CDON: variants seen among roughly 807,000 people sequenced by gnomAD.
CDON encodes cell adhesion associated, oncogene regulated.
CDON carries 73 observed loss-of-function variants against 120.9 expected under a neutral mutation model. That is an observed-to-expected ratio of 0.60 (90% CI 0.50 to 0.73). The LOEUF (loss-of-function observed/expected upper bound fraction) is 0.73. Among genes scored for constraint, CDON ranks in the 30% least tolerant of loss-of-function variants. The pLI is 0.00. For missense variants in CDON, 1,470 were observed against 1,587.3 expected (o/e 0.93, Z 1.26); for synonymous variants, 566 against 573.5 (o/e 0.99, Z 0.19).
Position 125,960,885 on chromosome 11 carries a change from C to T in CDON, c.*57G>A, listed in dbSNP as rs1261556356. ...GTCCTTCACACAGTTCGCTCCCAGG[C>T]CTGTTGTGTGCAGTTACCGGCTTGA... On this transcript the variant is annotated 3_prime_UTR_variant, in exon 20 of 20. Transcript: ENST00000531738. The T allele has an allele frequency of 2.6e-5, 40 of 1,527,056 alleles. No homozygotes were observed. The Admixed American group carries it at 6.7e-4, about 25-fold the overall frequency. 94.6% of individuals were successfully genotyped at this position (1,527,056 alleles called of 1,614,324 possible).
Position 126,005,964 on chromosome 11 carries a change from C to A in CDON, c.1646G>T (p.Gly549Val). Residue 549 changes from glycine to valine, a missense_variant, in exon 9 of 20, where the codon GGG (glycine) becomes GTG (valine). By Grantham distance (109) the Gly-to-Val change is moderately radical (BLOSUM62 -3). Transcript: ENST00000531738. ...DRSKRDGSETGLLSSFPVKVH... is the reference protein window; with the variant it reads ...DRSKRDGSETVLLSSFPVKVH... The stretch of plus-strand genomic sequence containing the variant: ...CTTCACCGGAAATGAGCTCAGTAAC[C>A]CAGTTTCTGAACCATCTCTCTTACT... The A allele has an allele frequency of 6.2e-7, 1 of 1,613,900 alleles. No homozygotes were observed. The highest frequency in any genetic ancestry group is 1.3e-5 in the African/African-American group (1 of 74,994).
In CDON at chr11:126,019,574, G is replaced by A. The variant is rs11826465; in HGVS notation, c.496+45C>T. 149,216 of 1,604,274 alleles carry A rather than the reference G, an allele frequency of 0.093. 7,336 individuals carry two copies. Among genetic ancestry groups the A allele is most frequent in the Admixed American group, 0.14 (8,234 of 59,962 alleles). ...AGCTTAGAAGTAGCTTATTTAATGAGCATTTGTTCTGTGTGTGCCACCGGC... is the reference window on the plus strand; with the variant it reads ...AGCTTAGAAGTAGCTTATTTAATGAACATTTGTTCTGTGTGTGCCACCGGC... On this transcript the variant is annotated intron_variant, in intron 4 of 19. Transcript: ENST00000531738.
rs375179830 is a variant in CDON, at chr11:126,021,287, C to T, written c.310G>A (p.Gly104Ser). The T allele has an allele frequency of 8.1e-6, 13 of 1,613,948 alleles. No homozygotes were observed. Among genetic ancestry groups the T allele is most frequent in the African/African-American group, 2.7e-5 (2 of 74,910 alleles). The change falls in exon 3 of 20, where the codon GGT (glycine) becomes AGT (serine). Residue 104 changes from glycine (G) to serine (S), a missense_variant. By Grantham distance (56) the Gly-to-Ser change is moderately conservative. Coordinates refer to ENST00000531738, the MANE Select transcript of CDON (RefSeq NM_001378964.1). ...GTCGCAGGGCCACTCACAATGGCAC[C>T]GATGCTATTGTTGGCAAGGCACTGG... ...YYQCLANNSI[G>S]AIVSGPATVS...
At chr11:126,056,298 T>C (rs1270682322) in intron 1 of CDON, among the ~76,000 whole-genome samples, 1 of 152,214 alleles carries the variant, frequency 6.6e-6, no homozygotes, top group African/African-American at 2.4e-5. Context: ...AGATGAATCA[T>C]GTATCACTAT....
chr11:126,024,787 G>A (rs1464481861), intron 1 of CDON, among the ~76,000 whole-genome samples: 1 of 152,168 alleles, frequency 6.6e-6, no homozygotes, highest in Non-Finnish European at 1.5e-5. Context: ...CTGAGGAGAG[G>A]AGAAGAGATA....
At chr11:125,967,143 T>A (rs1015486857) in intron 18 of CDON, among the ~76,000 whole-genome samples, 28 of 152,064 alleles carry the variant, frequency 1.8e-4, no homozygotes, top group African/African-American at 6.5e-4. Flanking sequence ...ATTTTAAATA[T>A]TTTTAGAATA....
intron 1 of CDON, among the ~76,000 whole-genome samples, chr11:126,047,790 C>T (rs1356326505): frequency 2.6e-5 from 4 of 152,152 alleles, no homozygotes; most frequent in Non-Finnish European, 4.4e-5. Flanking sequence ...GTCTAAACTG[C>T]TATAATACAC....
intron 4 of CDON, 98 bp downstream of exon 4, chr11:126,019,521 G>T: frequency 7.7e-7 from 1 of 1,302,484 alleles, no homozygotes; most frequent in Non-Finnish European, 1.1e-6. Flanking sequence ...ATGCCTTCTT[G>T]TATCCACAGT....
At chr11:126,041,485 C>T (rs1948261546) in intron 1 of CDON, among the ~76,000 whole-genome samples, 1 of 152,160 alleles carries the variant, frequency 6.6e-6, no homozygotes, top group Admixed American at 6.6e-5. Context: ...GCTAAACTGT[C>T]AGGTTTTTAC....
At chr11:126,028,331 CTTTAA>C (rs750753142) in intron 1 of CDON, among the ~76,000 whole-genome samples, 5 of 151,586 alleles carry the variant, frequency 3.3e-5, no homozygotes, top group African/African-American at 4.8e-5. Flanking sequence ...GTTTTAAATG[CTTTAA>C]TTTATTATTT....
At position 126,049,455 on chromosome 11, in the gene CDON, A is replaced by G. The variant is rs529810; in HGVS notation, c.-62+13124T>C. Among the ~76,000 whole-genome samples, 908 of 152,316 alleles carry G rather than the reference A, an allele frequency of 6.0e-3. 7 individuals are homozygous for G. The highest frequency in any genetic ancestry group is 7.1e-3 in the Non-Finnish European group (480 of 68,022). On this transcript the variant is annotated intron_variant, in intron 1 of 19. Coordinates refer to ENST00000531738, the MANE Select transcript of CDON (RefSeq NM_001378964.1). The stretch of plus-strand genomic sequence containing the variant: ...TTACTGGGAGCTGCACTCCACTGCT[A>G]TTACAACTCAGTCTTCATTTCAACA...
At chr11:125,963,301 C>T (rs1191385635) in intron 18 of CDON, among the ~76,000 whole-genome samples, 3 of 152,102 alleles carry the variant, frequency 2.0e-5, no homozygotes, top group Non-Finnish European at 2.9e-5. Context: ...CTTAGTGACA[C>T]TTTTTTTCCC....
rs1171605734 is a variant in CDON at position 125,997,330 on chromosome 11, CG to C, written c.2238del (p.Asn746LysfsTer16). The part of the protein sequence containing the change: ...SVYVTWIPRA[N>X]GGSPITAFKV... ...TTGAAGGCAGTGATTGGAGAACCCC[CG>C]TTTGCCCGAGGAATCCAAGTGACAT... is the stretch of plus-strand genomic sequence containing the variant. On this transcript the variant is annotated frameshift_variant, in exon 12 of 20. Transcript: ENST00000531738. LOFTEE classifies it high-confidence loss of function. The C allele has an allele frequency of 3.1e-6, 5 of 1,613,878 alleles. No homozygotes were observed. The highest frequency in any genetic ancestry group is 4.2e-6 in the Non-Finnish European group (5 of 1,179,938).
intron 1 of CDON, among the ~76,000 whole-genome samples, chr11:126,050,756 A>G (rs1459132901): frequency 6.6e-6 from 1 of 152,150 alleles, no homozygotes; most frequent in East Asian, 1.9e-4. Context: ...CACGCCATGC[A>G]CAGCCTGGGT....
intron 18 of CDON, among the ~76,000 whole-genome samples, chr11:125,965,025 CA>C (rs1006373600): frequency 3.3e-5 from 5 of 152,130 alleles, no homozygotes; most frequent in African/African-American, 1.2e-4. Context: ...CTTTCGGGTT[CA>C]AGCAATTCTC....
chr11:126,024,547 T>A (rs528486141), intron 1 of CDON, among the ~76,000 whole-genome samples: 79 of 152,260 alleles, frequency 5.2e-4, no homozygotes, highest in African/African-American at 1.8e-3. Flanking sequence ...TAGCCCTGTT[T>A]ACTGAAATGG....
At chr11:126,048,483 A>G (rs1235961744) in intron 1 of CDON, among the ~76,000 whole-genome samples, 1 of 152,170 alleles carries the variant, frequency 6.6e-6, no homozygotes, top group East Asian at 1.9e-4. Context: ...TATTACAATC[A>G]TCCAAATCAT....
chr11:126,015,451 G>A lies in CDON; in HGVS notation c.988C>T (p.His330Tyr). The change falls in exon 7 of 20, where the codon CAC (histidine) becomes TAC (tyrosine). Residue 330 changes from histidine to tyrosine, a missense_variant. His to Tyr is a moderately conservative substitution (Grantham distance 83). Coordinates refer to ENST00000531738, the MANE Select transcript of CDON (RefSeq NM_001378964.1). Reference sequence around the variant, plus strand: ...TTCCCATGAACGTCGCAGGTAAAGTGTACTGTGGCACCCAGAGACACTATC... The same window carrying A: ...TTCCCATGAACGTCGCAGGTAAAGTATACTGTGGCACCCAGAGACACTATC... ...DQIVSLGATV[H>Y]FTCDVHGNPA... 1.2e-6 allele frequency: 2 copies of A among 1,614,034 alleles called. No individual in the cohort carries two copies. Among genetic ancestry groups the A allele is most frequent in the Non-Finnish European group, 1.7e-6 (2 of 1,179,926 alleles).
chr11:125,969,234 G>A, intron 18 of CDON, among the ~76,000 whole-genome samples: 1 of 152,202 alleles, frequency 6.6e-6, no homozygotes, highest in South Asian at 2.1e-4. Flanking sequence ...CCGACCTCAG[G>A]TGATCCGCCT....
Sources: allele counts gnomAD v4.1 joint callset (sites outside exome capture counted in the v4.1 genomes callset), GRCh38; gene constraint gnomAD v4.1.1; transcripts MANE v1.5; gene names NCBI Gene and HGNC (gene_info 2026-07-23, HGNC 2026-07-21).